RNGTT: variants seen among roughly 807,000 people sequenced by gnomAD.
The protein encoded by RNGTT is mRNA-capping enzyme.
Under a neutral mutation model 79.3 loss-of-function variants are expected in RNGTT, and 33 were observed. The observed-to-expected ratio is 0.42, with a 90% confidence interval of 0.32 to 0.56. The LOEUF (loss-of-function observed/expected upper bound fraction) is 0.56. Among genes scored for constraint, RNGTT ranks in the 20% least tolerant of loss-of-function variants. The pLI is 0.17. For missense variants in RNGTT, 497 were observed against 739.1 expected, an observed-to-expected ratio of 0.67 and a Z score of 3.80; for synonymous variants, 222 against 235.9, an observed-to-expected ratio of 0.94 and a Z score of 0.54.
At chr6:88,676,844 C>A (rs1375705984) in intron 14 of RNGTT, among the ~76,000 whole-genome samples, 1 of 152,204 alleles carries the variant, frequency 6.6e-6, no homozygotes. Context: ...GAATCTCAGT[C>A]ATTACGGAAA....
At chr6:88,856,276 G>T (rs1391461275) in intron 8 of RNGTT, among the ~76,000 whole-genome samples, 1 of 152,062 alleles carries the variant, frequency 6.6e-6, no homozygotes, top group Non-Finnish European at 1.5e-5. Flanking sequence ...TCAGAAAAAA[G>T]AAATGGTTTA....
intron 8 of RNGTT, among the ~76,000 whole-genome samples, chr6:88,856,660 T>G (rs1341419493): frequency 1.3e-5 from 2 of 152,194 alleles, no homozygotes; most frequent in African/African-American, 4.8e-5. Flanking sequence ...TTTTCAGGCT[T>G]TGGAACACAA....
intron 12 of RNGTT, among the ~76,000 whole-genome samples, chr6:88,790,345 T>C (rs556872224): frequency 6.6e-5 from 10 of 152,296 alleles, no homozygotes; most frequent in African/African-American, 2.4e-4. Flanking sequence ...ACTAAACCTC[T>C]AGCTTCTCTC....
In RNGTT at chr6:88,778,595, A is replaced by G. The variant is rs114786821; in HGVS notation, c.1339-8721T>C. ...AGCCTTGAACTCCTGAGTTTAAGCA[A>G]TTCTCCCACCACAGCCTCCTGAGTA... On this transcript the variant is annotated intron_variant, in intron 12 of 15. Coordinates refer to ENST00000369485, the MANE Select transcript of RNGTT (RefSeq NM_003800.5). Among the ~76,000 whole-genome samples the G allele has an allele frequency of 2.8e-3, 429 of 152,278 alleles. 3 individuals are homozygous for G. Among genetic ancestry groups the G allele is most frequent in the African/African-American group, 9.8e-3 (407 of 41,564 alleles).
At chr6:88,892,626 A>G in intron 6 of RNGTT, among the ~76,000 whole-genome samples, 1 of 152,120 alleles carries the variant, frequency 6.6e-6, no homozygotes, top group Middle Eastern at 3.4e-3. Context: ...CAAATAAGGA[A>G]CCCTTCTGGA....
rs995480492 is a variant in RNGTT at position 88,803,437 on chromosome 6, G to A, written c.1270-1805C>T. ...AAAAAATACAAAAATTAACCGGTGTGGTGGCGCGCGCCTGTAGTCCCAGCT... is the reference window on the plus strand; with the variant it reads ...AAAAAATACAAAAATTAACCGGTGTAGTGGCGCGCGCCTGTAGTCCCAGCT... On this transcript the variant is annotated intron_variant, in intron 11 of 15. Transcript: ENST00000369485. Among the ~76,000 whole-genome samples, 10 of 151,662 alleles carry A rather than the reference G, an allele frequency of 6.6e-5. No individual in the cohort carries two copies. In the South Asian group the frequency reaches 1.2e-3, roughly 19 times the overall value.
At chr6:88,665,921 G>A (rs2127784123) in intron 14 of RNGTT, among the ~76,000 whole-genome samples, 1 of 152,352 alleles carries the variant, frequency 6.6e-6, no homozygotes, top group East Asian at 1.9e-4. Flanking sequence ...GCTCAGATCT[G>A]CAGACAGCAG....
At chr6:88,948,522 G>A (rs1413379270) in intron 1 of RNGTT, among the ~76,000 whole-genome samples, 65 of 148,006 alleles carry the variant, frequency 4.4e-4, no homozygotes, top group Non-Finnish European at 8.6e-4. Context: ...CGGCCGCCCC[G>A]TCCGGGAGGT....
At chr6:88,902,946 G>A (rs1223861719) in intron 6 of RNGTT, among the ~76,000 whole-genome samples, 2 of 151,950 alleles carry the variant, frequency 1.3e-5, no homozygotes, top group East Asian at 1.9e-4. Flanking sequence ...CACCCACCTC[G>A]GCCTCCCAAA....
chr6:88,827,502 T>C (rs1274830534), intron 11 of RNGTT, among the ~76,000 whole-genome samples: 4 of 152,130 alleles, frequency 2.6e-5, no homozygotes, highest in Admixed American at 6.5e-5. Flanking sequence ...GGAGTTTTAT[T>C]TTCATACTCC....
intron 13 of RNGTT, among the ~76,000 whole-genome samples, chr6:88,764,778 T>C (rs1217928082): frequency 6.6e-6 from 1 of 152,188 alleles, no homozygotes; most frequent in Admixed American, 6.5e-5. Flanking sequence ...TATACTACCT[T>C]AATGCCCATT....
At chr6:88,869,103 C>T (rs1447340269) in intron 8 of RNGTT, among the ~76,000 whole-genome samples, 2 of 152,058 alleles carry the variant, frequency 1.3e-5, no homozygotes, top group South Asian at 2.1e-4. Flanking sequence ...CATGATGATG[C>T]TTGATTTTAT....
At chr6:88,749,499 T>C (rs1777773480) in intron 13 of RNGTT, among the ~76,000 whole-genome samples, 1 of 150,036 alleles carries the variant, frequency 6.7e-6, no homozygotes, top group Non-Finnish European at 1.5e-5. Context: ...AAAATCAAAA[T>C]AAAAGGCAAG....
intron 4 of RNGTT, among the ~76,000 whole-genome samples, chr6:88,921,334 T>G (rs1030696357): frequency 4.6e-5 from 7 of 151,760 alleles, no homozygotes; most frequent in African/African-American, 1.7e-4. Flanking sequence ...AAAAAAAAAG[T>G]AATCTTTGAA....
At chr6:88,841,171 T>C (rs184090729) in intron 11 of RNGTT, among the ~76,000 whole-genome samples, 1 of 152,178 alleles carries the variant, frequency 6.6e-6, no homozygotes, top group Non-Finnish European at 1.5e-5. Context: ...CAGGCTCTTG[T>C]AGGTACCCCC....
At position 88,774,151 on chromosome 6, in the gene RNGTT, T is replaced by C. The variant is rs1367067002; in HGVS notation, c.1339-4277A>G. Among the ~76,000 whole-genome samples the C allele has an allele frequency of 3.9e-5, 6 of 152,086 alleles. No individual in the cohort carries two copies. In the East Asian group the frequency reaches 1.2e-3, roughly 29 times the overall value. ...CAACAAAAAAACCCAAATTTAAAAG[T>C]CAAAAGACTTGAATAAACATTTCTC... On this transcript the variant is annotated intron_variant, in intron 12 of 15. Coordinates refer to ENST00000369485, the MANE Select transcript of RNGTT (RefSeq NM_003800.5).
At chr6:88,948,487 T>C in intron 1 of RNGTT, among the ~76,000 whole-genome samples, 1 of 87,274 alleles carries the variant, frequency 1.1e-5, no homozygotes, top group Non-Finnish European at 2.3e-5. Flanking sequence ...GGGAGGGAGG[T>C]GGGGGGGTCA....
chr6:88,771,352 C>T (rs868727695), intron 12 of RNGTT, among the ~76,000 whole-genome samples: 4,100 of 79,368 alleles, frequency 0.052, 78 homozygotes, highest in African/African-American at 0.096. Context: ...TATATATATA[C>T]ACACACACAC....
intron 14 of RNGTT, among the ~76,000 whole-genome samples, chr6:88,633,680 T>C (rs1055865344): frequency 2.6e-5 from 4 of 152,132 alleles, no homozygotes; most frequent in Admixed American, 6.6e-5. Flanking sequence ...TGCATATATA[T>C]ATTAATAAAA....
Sources: allele counts gnomAD v4.1 joint callset (sites outside exome capture counted in the v4.1 genomes callset), GRCh38; gene constraint gnomAD v4.1.1; transcripts MANE v1.5; gene names NCBI Gene and HGNC (gene_info 2026-07-23, HGNC 2026-07-21).